The following MBNL1 variants were observed in gnomAD, a reference collection of about 807,000 sequenced individuals.
The protein encoded by MBNL1 is muscleblind like splicing regulator 1.
A neutral mutation model predicts 42.2 loss-of-function variants in MBNL1; 8 were observed. That is an observed-to-expected ratio of 0.19 (90% CI 0.11 to 0.34). The LOEUF (loss-of-function observed/expected upper bound fraction) is 0.34. MBNL1 is among the 10% of genes least tolerant of loss of function. The pLI, the probability that MBNL1 is intolerant of heterozygous loss-of-function variation, is 1.00. For missense variants in MBNL1, 309 were observed against 495.3 expected (o/e 0.62, Z 3.57); for synonymous variants, 169 against 173.9 (o/e 0.97, Z 0.22).
At chr3:152,447,434 T>G (rs1334181383) in intron 5 of MBNL1, among the ~76,000 whole-genome samples, 186 bp from the exon 6 acceptor site, 1 of 152,004 alleles carries the variant, frequency 6.6e-6, no homozygotes, top group African/African-American at 2.4e-5. Flanking sequence ...CTTTAAAGCT[T>G]TTATCTTGCT....
At chr3:152,353,240 C>T (rs892439278) in intron 2 of MBNL1, among the ~76,000 whole-genome samples, 2 of 152,208 alleles carry the variant, frequency 1.3e-5, no homozygotes, top group African/African-American at 4.8e-5. Context: ...TCCAAGCTTA[C>T]TCTGCCTTCC....
chr3:152,317,321 T>G (rs906550140), intron 2 of MBNL1, among the ~76,000 whole-genome samples: 2 of 152,180 alleles, frequency 1.3e-5, no homozygotes, highest in Non-Finnish European at 2.9e-5. Flanking sequence ...TATTTATTCC[T>G]TTAAAAAAAT....
At chr3:152,345,338 C>T (rs952962375) in intron 2 of MBNL1, among the ~76,000 whole-genome samples, 6 of 151,962 alleles carry the variant, frequency 3.9e-5, no homozygotes, top group African/African-American at 9.7e-5. Flanking sequence ...CCTTTAAAAG[C>T]GTAAGATGGA....
chr3:152,259,793 A>C (rs1157818480), intron 2 of MBNL1, among the ~76,000 whole-genome samples: 2 of 152,258 alleles, frequency 1.3e-5, no homozygotes, highest in Non-Finnish European at 2.9e-5. Context: ...TTCAATGTGC[A>C]CATGTAGTAC....
chr3:152,420,297 C>G (rs759282715), intron 3 of MBNL1, among the ~76,000 whole-genome samples: 1 of 152,182 alleles, frequency 6.6e-6, no homozygotes, highest in Non-Finnish European at 1.5e-5. Flanking sequence ...CAAGTGGATC[C>G]CTGACCCCTG....
At chr3:152,277,060 AT>A (rs1232212843) in intron 1 of MBNL1, among the ~76,000 whole-genome samples, 1 of 152,210 alleles carries the variant, frequency 6.6e-6, no homozygotes, top group Admixed American at 6.5e-5. Flanking sequence ...CTTTTAATCA[AT>A]CAAAAATTCC....
At chr3:152,319,103 A>G (rs1160148658) in intron 2 of MBNL1, among the ~76,000 whole-genome samples, 1 of 152,190 alleles carries the variant, frequency 6.6e-6, no homozygotes, top group Non-Finnish European at 1.5e-5. Context: ...TCATATAATC[A>G]AAGCTTTTAA....
intron 1 of MBNL1, among the ~76,000 whole-genome samples, chr3:152,277,883 C>G (rs1335543483): frequency 6.6e-6 from 1 of 151,936 alleles, no homozygotes. Flanking sequence ...AAAAATAATA[C>G]AGAAATTACA....
chr3:152,276,787 G>A (rs1214965130), intron 1 of MBNL1, among the ~76,000 whole-genome samples: 1 of 152,132 alleles, frequency 6.6e-6, no homozygotes, highest in Non-Finnish European at 1.5e-5. Context: ...GGTGTTTAGG[G>A]TAGTAACCTT....
At chr3:152,267,399 GTC>G (rs2037494566), upstream of MBNL1, 2 of 152,330 alleles carry the variant, frequency 1.3e-5, no homozygotes, top group Non-Finnish European at 2.9e-5. Flanking sequence ...TAATCGGTTT[GTC>G]TCTCACCTAC....
intron 3 of MBNL1, among the ~76,000 whole-genome samples, chr3:152,429,471 A>G (rs937919803): frequency 6.6e-6 from 1 of 152,240 alleles, no homozygotes; most frequent in Non-Finnish European, 1.5e-5. Context: ...CATTATCACA[A>G]GAATATAGTC....
intron 2 of MBNL1, among the ~76,000 whole-genome samples, chr3:152,336,930 A>G (rs919008824): frequency 2.6e-5 from 4 of 152,236 alleles, no homozygotes; most frequent in Non-Finnish European, 5.9e-5. Flanking sequence ...GCTTTTAGGC[A>G]ATAGCTTTTC....
chr3:152,336,429 C>T lies in MBNL1; in HGVS notation c.174+36062C>T, dbSNP rs78164902. Among the ~76,000 whole-genome samples the T allele has an allele frequency of 1.1e-4, 16 of 152,312 alleles. No individual in the cohort carries two copies. The East Asian group carries it at 2.9e-3, about 28-fold the overall frequency. On this transcript the variant is annotated intron_variant, in intron 2 of 9. Coordinates refer to ENST00000324210, the MANE Select transcript of MBNL1 (RefSeq NM_021038.5). ...ATTTGGATTCTGCCATAGAGGCTTA[C>T]ACAATCTTTCTGCATTCAAACCTAT...
chr3:152,454,111 CTT>C (rs1580805111), intron 6 of MBNL1, among the ~76,000 whole-genome samples: 1 of 152,134 alleles, frequency 6.6e-6, no homozygotes, highest in African/African-American at 2.4e-5. Context: ...TTTCACAAGT[CTT>C]TGACTCAGTA....
chr3:152,401,888 C>A (rs142519978), intron 2 of MBNL1, among the ~76,000 whole-genome samples: 227 of 151,932 alleles, frequency 1.5e-3, no homozygotes, highest in African/African-American at 4.7e-3. Context: ...AAAAATCAGC[C>A]GTGTGTTGTG....
chr3:152,307,093 A>T (rs992849956), intron 2 of MBNL1, among the ~76,000 whole-genome samples: 3 of 152,056 alleles, frequency 2.0e-5, no homozygotes, highest in Non-Finnish European at 2.9e-5. Context: ...ACGTTCAAGC[A>T]ATTCTCCTGC....
intron 2 of MBNL1, among the ~76,000 whole-genome samples, chr3:152,393,057 A>C (rs2097784682): frequency 6.6e-6 from 1 of 152,176 alleles, no homozygotes; most frequent in African/African-American, 2.4e-5. Context: ...ATCTCTTGCC[A>C]AGATGCCTCC....
intron 4 of MBNL1, among the ~76,000 whole-genome samples, chr3:152,443,190 C>A (rs67495950): frequency 0.15 from 15,871 of 103,022 alleles, 993 homozygotes; most frequent in African/African-American, 0.23. Flanking sequence ...ACCCCCCCCC[C>A]CACACACACA....
chr3:152,355,032 C>T (rs571798481), intron 2 of MBNL1, among the ~76,000 whole-genome samples: 1 of 152,230 alleles, frequency 6.6e-6, no homozygotes, highest in East Asian at 1.9e-4. Context: ...GCAGAAATTT[C>T]TGTTATTCAT....
Sources: gnomAD v4.1 joint callset for allele counts (sites outside exome capture counted in the v4.1 genomes callset) on GRCh38, gnomAD v4.1.1 for gene constraint, MANE v1.5 for transcripts, NCBI Gene and HGNC (gene_info 2026-07-23, HGNC 2026-07-21) for gene names.